Variants in NRXN1 observed in about 807,000 individuals in gnomAD.
NRXN1 encodes neurexin-1.
Under a neutral mutation model 150.9 loss-of-function variants are expected in NRXN1, and 39 were observed. The observed-to-expected ratio is 0.26, with a 90% CI of 0.20 to 0.34. The LOEUF (loss-of-function observed/expected upper bound fraction) is 0.34. Among genes scored for constraint, NRXN1 ranks in the 10% least tolerant of loss-of-function variants. The pLI, the probability that NRXN1 is intolerant of heterozygous loss-of-function variation, is 1.00. For missense variants in NRXN1, 1,815 were observed against 1,949.9 expected (o/e 0.93, Z 1.30); for synonymous variants, 924 against 757.0 (o/e 1.22, Z -3.62).
chr2:50,833,943 A>G (rs939196255), intron 5 of NRXN1, among the ~76,000 whole-genome samples: 6 of 152,194 alleles, frequency 3.9e-5, no homozygotes, highest in African/African-American at 1.4e-4. Context: ...AACTTACTAG[A>G]TACTCCAGTA....
chr2:50,529,029 G>C (rs1054101472), intron 11 of NRXN1: 9 of 176,624 alleles, frequency 5.1e-5, no homozygotes, highest in Non-Finnish European at 8.2e-5. Flanking sequence ...GTACAGTGCA[G>C]GTTCAGCTAG....
At chr2:50,079,099 A>G (rs916470703) in intron 19 of NRXN1, among the ~76,000 whole-genome samples, 1 of 151,812 alleles carries the variant, frequency 6.6e-6, no homozygotes, top group Admixed American at 6.6e-5. Context: ...CTTTCTTTCT[A>G]TCTGTTCAGT....
At chr2:50,575,301 T>C (rs1190118116) in intron 8 of NRXN1, among the ~76,000 whole-genome samples, 1 of 152,180 alleles carries the variant, frequency 6.6e-6, no homozygotes, top group East Asian at 1.9e-4. Flanking sequence ...TTGTGTGCAT[T>C]GCTGTGCAAT....
intron 21 of NRXN1, among the ~76,000 whole-genome samples, chr2:50,013,282 T>TTTTTTG (rs386390151): frequency 1.5e-4 from 23 of 151,164 alleles, no homozygotes; most frequent in African/African-American, 5.6e-4. Flanking sequence ...TCTTTTTTTT[T>TTTTTTG]TTTTGGATAC....
At chr2:50,398,760 G>C (rs2082208476) in intron 17 of NRXN1, among the ~76,000 whole-genome samples, 1 of 152,084 alleles carries the variant, frequency 6.6e-6, no homozygotes, top group South Asian at 2.1e-4. Flanking sequence ...CTCTAATTAA[G>C]AGGCTTCCTC....
intron 2 of NRXN1, among the ~76,000 whole-genome samples, chr2:51,018,434 A>AT (rs531723538): frequency 6.6e-6 from 1 of 152,010 alleles, no homozygotes; most frequent in Non-Finnish European, 1.5e-5. Flanking sequence ...GGTCAGACTT[A>AT]TTTTCCTCCC....
At chr2:50,975,620 T>C (rs1695700000) in intron 2 of NRXN1, among the ~76,000 whole-genome samples, 1 of 152,128 alleles carries the variant, frequency 6.6e-6, no homozygotes, top group Non-Finnish European at 1.5e-5. Flanking sequence ...TTTAACACTA[T>C]TTTCTGCTAA....
chr2:50,731,471 ATCCG>A (rs1468426421), intron 5 of NRXN1, among the ~76,000 whole-genome samples: 4 of 152,222 alleles, frequency 2.6e-5, no homozygotes, highest in Non-Finnish European at 5.9e-5. Context: ...AAAAAATGTT[ATCCG>A]GCAGATACAG....
chr2:50,184,010 T>A (rs756267710), intron 18 of NRXN1, among the ~76,000 whole-genome samples: 1 of 152,030 alleles, frequency 6.6e-6, no homozygotes, highest in Non-Finnish European at 1.5e-5. Flanking sequence ...TTACACTGAA[T>A]ATATTTCTAT....
intron 5 of NRXN1, among the ~76,000 whole-genome samples, chr2:50,789,833 C>G (rs1372312270): frequency 6.6e-6 from 1 of 152,122 alleles, no homozygotes; most frequent in East Asian, 1.9e-4. Flanking sequence ...GTTTAATGCA[C>G]AGAGTGAGAT....
Position 50,352,778 on chromosome 2 carries a change from TTATA to T in NRXN1, c.3364+112660_3364+112663del, listed in dbSNP as rs2078515621. On this transcript the variant is annotated intron_variant, in intron 17 of 22. Coordinates refer to ENST00000401669, the MANE Select transcript of NRXN1 (RefSeq NM_001330078.2). ...GATAATAATAATAATAATAATAATATTATAATAATAATAATAATAATAATAATAA... is the reference window on the plus strand; with the variant it reads ...GATAATAATAATAATAATAATAATATATAATAATAATAATAATAATAATAA... Among the ~76,000 whole-genome samples, 7 of 59,260 alleles carry T rather than the reference TTATA, an allele frequency of 1.2e-4. No individual in the cohort carries two copies. The Admixed American group carries it at 1.6e-3, about 13-fold the overall frequency. The allele number at this position is 59,260 out of a possible 152,430, so 38.9% of individuals were successfully genotyped here. A position where few individuals can be genotyped will look rare whatever the true frequency, so the allele number is the denominator to read the frequency against.
chr2:50,383,962 G>A (rs1477486622), intron 17 of NRXN1, among the ~76,000 whole-genome samples: 2 of 152,144 alleles, frequency 1.3e-5, no homozygotes, highest in African/African-American at 2.4e-5. Flanking sequence ...GTTTATACAT[G>A]TTGAACTTGC....
intron 17 of NRXN1, among the ~76,000 whole-genome samples, chr2:50,285,786 T>C (rs955562517): frequency 6.6e-6 from 1 of 152,028 alleles, no homozygotes; most frequent in African/African-American, 2.4e-5. Flanking sequence ...CTTTACGAAA[T>C]GATCTTCAAA....
At chr2:50,869,950 T>C (rs751711288) in intron 5 of NRXN1, among the ~76,000 whole-genome samples, 1 of 151,868 alleles carries the variant, frequency 6.6e-6, no homozygotes, top group Non-Finnish European at 1.5e-5. Context: ...CATGACAAGT[T>C]TGGGGAATGC....
chr2:50,146,377 A>C (rs1409093973), intron 18 of NRXN1, among the ~76,000 whole-genome samples: 1 of 151,772 alleles, frequency 6.6e-6, no homozygotes, highest in Admixed American at 6.6e-5. Context: ...ACACATGCAC[A>C]TGGATGTTTA....
At chr2:50,151,971 C>A (rs1241650053) in intron 18 of NRXN1, among the ~76,000 whole-genome samples, 1 of 151,522 alleles carries the variant, frequency 6.6e-6, no homozygotes, top group African/African-American at 2.4e-5. Context: ...AAATTAACAC[C>A]AATAGAAGCA....
At chr2:50,558,616 T>C (rs920007468) in intron 8 of NRXN1, among the ~76,000 whole-genome samples, 2 of 152,228 alleles carry the variant, frequency 1.3e-5, no homozygotes, top group Non-Finnish European at 2.9e-5. Flanking sequence ...GATGATATTG[T>C]AGTTTTTCAA....
At chr2:50,602,928 C>T (rs1676513716) in intron 8 of NRXN1, among the ~76,000 whole-genome samples, 1 of 152,190 alleles carries the variant, frequency 6.6e-6, no homozygotes, top group African/African-American at 2.4e-5. Flanking sequence ...AGAGCTAGAA[C>T]AGAAGACGCA....
chr2:50,306,951 C>A (rs916223111), intron 17 of NRXN1, among the ~76,000 whole-genome samples: 1 of 152,026 alleles, frequency 6.6e-6, no homozygotes, highest in Non-Finnish European at 1.5e-5. Flanking sequence ...AAATGAGGAA[C>A]TGTCTGCCCT....
Sources: gnomAD v4.1 joint callset for allele counts (sites outside exome capture counted in the v4.1 genomes callset) on GRCh38, gnomAD v4.1.1 for gene constraint, MANE v1.5 for transcripts, NCBI Gene and HGNC (gene_info 2026-07-23, HGNC 2026-07-21) for gene names.